Variants in PALM observed in about 807,000 individuals in gnomAD.
PALM encodes paralemmin, also known as paralemmin-1.
In PALM, 18 loss-of-function variants were observed where a neutral mutation model predicts 30.7. That is an observed-to-expected ratio of 0.59 (90% CI 0.41 to 0.87). The LOEUF (loss-of-function observed/expected upper bound fraction) is 0.87. Among genes scored for constraint, PALM ranks in the 40% least tolerant of loss-of-function variants. PALM has a pLI of 0.00. For missense variants in PALM, 529 were observed against 555.4 expected, an observed-to-expected ratio of 0.95 and a Z score of 0.48; for synonymous variants, 286 against 242.8, an observed-to-expected ratio of 1.18 and a Z score of -1.66.
At chr19:732,807 G>A (rs1291322079) in intron 5 of PALM, among the ~76,000 whole-genome samples, 3 of 152,132 alleles carry the variant, frequency 2.0e-5, no homozygotes, top group African/African-American at 7.2e-5. Context: ...GAAGAGGTGG[G>A]AAGCCCAGGG....
chr19:731,040 C>CCAT, intron 4 of PALM, 55 bp from the exon 5 acceptor site: 3 of 1,252,250 alleles, frequency 2.4e-6, no homozygotes, highest in Non-Finnish European at 3.3e-6. Flanking sequence ...CAGAAGGTGC[C>CCAT]CAGAGCCCCA....
chr19:734,480 G>A (rs1339985460), intron 6 of PALM: 6 of 448,642 alleles, frequency 1.3e-5, no homozygotes, highest in East Asian at 4.7e-5. Flanking sequence ...CAGGAGGATC[G>A]ATCGCTTGAG....
intron 1 of PALM, among the ~76,000 whole-genome samples, chr19:714,329 C>T (rs960761268): frequency 9.3e-5 from 14 of 150,880 alleles, no homozygotes; most frequent in African/African-American, 2.4e-4. Flanking sequence ...CATGAGCCAC[C>T]GCGCCCAGCC....
chr19:729,198 C>T (rs996477938), intron 4 of PALM, among the ~76,000 whole-genome samples: 29 of 150,072 alleles, frequency 1.9e-4, no homozygotes, highest in Non-Finnish European at 3.6e-4. Flanking sequence ...TAGTGGCGGG[C>T]GCCTGTAATC....
At chr19:741,183 G>A (rs2033175323) in intron 8 of PALM, among the ~76,000 whole-genome samples, 1 of 151,996 alleles carries the variant, frequency 6.6e-6, no homozygotes, top group South Asian at 2.1e-4. Flanking sequence ...CGTGACAGAA[G>A]CCACAGAAAA....
chr19:729,251 A>T (rs1434029839), intron 4 of PALM, among the ~76,000 whole-genome samples: 1 of 149,870 alleles, frequency 6.7e-6, no homozygotes, highest in Non-Finnish European at 1.5e-5. Flanking sequence ...GCTTGAACCC[A>T]GGAGGCGGAG....
Position 742,322 on chromosome 19 carries a change from C to T in PALM, c.634+1839C>T, listed in dbSNP as rs945089057. Among the ~76,000 whole-genome samples the T allele has an allele frequency of 2.0e-5, 3 of 152,066 alleles. No homozygotes were observed. The highest frequency in any genetic ancestry group is 6.6e-5 in the Admixed American group (1 of 15,244). Reference sequence around the variant, plus strand: ...GACATTTCATAGAAATGAGATCACACGGCCGGGTGCGGTGGCTCACACCTG... The same window carrying T: ...GACATTTCATAGAAATGAGATCACATGGCCGGGTGCGGTGGCTCACACCTG... On this transcript the variant is annotated intron_variant, in intron 8 of 8. Transcript: ENST00000338448. The surrounding 1 kb of genome is among the most constrained non-coding windows in gnomAD (Gnocchi z 5.5).
chr19:726,202 C>T lies in PALM; in HGVS notation c.57+13C>T, dbSNP rs201470230. 136 of 1,611,816 alleles carry T rather than the reference C, an allele frequency of 8.4e-5. 1 individual carries two copies. The East Asian group carries it at 2.0e-3, about 23-fold the overall frequency. ...GCAGGCCATCGCAGTGAGTTTCCGC[C>T]GCCCCGCAGACGGTGTGGTCAGGGT... On this transcript the variant is annotated intron_variant, in intron 2 of 8. Transcript: ENST00000338448.
In PALM at chr19:720,356, AGGCGAGGGGGCGTCCAGGCCCGGGGAGG is replaced by A. The variant is rs1205913493; in HGVS notation, c.6-5771_6-5744del. Among the ~76,000 whole-genome samples, 562 of 94,066 alleles carry A rather than the reference AGGCGAGGGGGCGTCCAGGCCCGGGGAGG, an allele frequency of 6.0e-3. 2 individuals carry two copies. The highest frequency in any genetic ancestry group is 8.2e-3 in the Non-Finnish European group (366 of 44,862). The allele number at this position is 94,066 out of a possible 152,430, so 61.7% of individuals were successfully genotyped here. A position where few individuals can be genotyped will look rare whatever the true frequency, so the allele number is the denominator to read the frequency against. Reference sequence around the variant, plus strand: ...GGCGCATCCTGCGTGTCCTGGGGAAAGGCGAGGGGGCGTCCAGGCCCGGGGAGGGGCGAGGGGGGCGCCGGGTCTGGGG... The same window carrying A: ...GGCGCATCCTGCGTGTCCTGGGGAAAGGCGAGGGGGGCGCCGGGTCTGGGG... On this transcript the variant is annotated intron_variant, in intron 1 of 8. Transcript: ENST00000338448.
intron 1 of PALM, among the ~76,000 whole-genome samples, chr19:724,324 G>A (rs1185860262): frequency 6.6e-6 from 1 of 151,804 alleles, no homozygotes; most frequent in Non-Finnish European, 1.5e-5. Flanking sequence ...TTCATTTATT[G>A]TTTGTTTGTT....
At chr19:726,817 G>A (rs896471790) in intron 2 of PALM, among the ~76,000 whole-genome samples, 191 bp from the exon 3 acceptor site, 5 of 152,148 alleles carry the variant, frequency 3.3e-5, no homozygotes, top group Admixed American at 2.0e-4. Flanking sequence ...ATTGATTTTC[G>A]AGACAGGGTC....
rs1301103379 is a variant in PALM, at chr19:722,174, T to A, written c.6-3964T>A. On this transcript the variant is annotated intron_variant, in intron 1 of 8. Transcript: ENST00000338448. Reference sequence around the variant, plus strand: ...ACCTCGTGATCCGCCCGCCTCGGCCTCCCAAAGTGCTGGGATTACAGGCGT... The same window carrying A: ...ACCTCGTGATCCGCCCGCCTCGGCCACCCAAAGTGCTGGGATTACAGGCGT... 2.0e-5 allele frequency among the ~76,000 whole-genome samples: 3 copies of A among 152,134 alleles called. No individual in the cohort carries two copies. The East Asian group carries it at 5.8e-4, about 29-fold the overall frequency.
intron 1 of PALM, among the ~76,000 whole-genome samples, chr19:716,589 C>T (rs548729356): frequency 2.0e-5 from 3 of 152,184 alleles, no homozygotes; most frequent in African/African-American, 7.2e-5. Flanking sequence ...CGGGGAGGGA[C>T]AGAGGCCCAG....
chr19:719,323 C>T (rs987268449), intron 1 of PALM: 2 of 985,270 alleles, frequency 2.0e-6, no homozygotes, highest in Non-Finnish European at 2.4e-6. Flanking sequence ...GCGGGGCTCC[C>T]GTCGGGTTTG....
At chr19:712,361 A>T (rs1285152396) in intron 1 of PALM, among the ~76,000 whole-genome samples, 1 of 151,058 alleles carries the variant, frequency 6.6e-6, no homozygotes, top group Non-Finnish European at 1.5e-5. Context: ...CGAATGCTTT[A>T]TGTGTGAGAA....
intron 1 of PALM, among the ~76,000 whole-genome samples, chr19:722,050 C>G (rs1437679401): frequency 6.6e-6 from 1 of 152,214 alleles, no homozygotes; most frequent in Non-Finnish European, 1.5e-5. Context: ...TCCCGAGTAG[C>G]TGGGACTACA....
chr19:746,696 A>T lies in PALM; in HGVS notation c.1046A>T (p.Glu349Val), dbSNP rs147662128. 522 of 1,609,758 alleles carry T rather than the reference A, an allele frequency of 3.2e-4. 3 individuals carry two copies. Among genetic ancestry groups the T allele is most frequent in the South Asian group, 1.1e-3 (102 of 90,692 alleles). Residue 349 changes from glutamate to valine, a missense_variant, in exon 9 of 9, where the codon GAG becomes GTG. Transcript: ENST00000338448. This position sits in a 1 kb window ranked among gnomAD's most constrained non-coding sequence, Gnocchi z 7.1. ...GCACCACCCAACGGCAGTGCTGCCG[A>T]GCCTCCCACGGAGGCCGCCTCCAGG... is the stretch of plus-strand genomic sequence containing the variant. ...EPAPPNGSAAEPPTEAASREE... is the reference protein window; with the variant it reads ...EPAPPNGSAAVPPTEAASREE...
At chr19:714,669 A>G (rs1051977450) in intron 1 of PALM, among the ~76,000 whole-genome samples, 5 of 151,116 alleles carry the variant, frequency 3.3e-5, no homozygotes, top group Non-Finnish European at 7.4e-5. Context: ...TCTTTTTTTT[A>G]GACTGGGTCT....
chr19:727,475 G>T, intron 3 of PALM, 89 bp from the exon 4 acceptor site: 2 of 1,113,776 alleles, frequency 1.8e-6, no homozygotes, highest in South Asian at 2.7e-5. Context: ...CCTCAACCCC[G>T]ACCCTGATCC....
Sources: gnomAD v4.1 joint callset for allele counts (sites outside exome capture counted in the v4.1 genomes callset) on GRCh38, gnomAD v4.1.1 for gene constraint, Gnocchi (gnomAD v3.1) non-coding constraint, MANE v1.5 for transcripts, NCBI Gene and HGNC (gene_info 2026-07-23, HGNC 2026-07-21) for gene names.